The following DCHS2 variants were observed in gnomAD, a reference collection of about 807,000 sequenced individuals.
The protein encoded by DCHS2 is protocadherin-23.
Under a neutral mutation model 182.4 loss-of-function variants are expected in DCHS2, and 142 were observed. The ratio of observed to expected loss-of-function variants is 0.78; its 90% CI spans 0.68 to 0.89. The LOEUF (loss-of-function observed/expected upper bound fraction) is 0.89, where lower values mean the gene tolerates loss of function less well. Among genes scored for constraint, DCHS2 ranks in the 40% least tolerant of loss-of-function variants. The pLI, the probability that DCHS2 is intolerant of heterozygous loss-of-function variation, is 0.00. For missense variants in DCHS2, 4,319 were observed against 4,198.6 expected, an observed-to-expected ratio of 1.03 and a Z score of -0.79; for synonymous variants, 1,740 against 1,663.3, an observed-to-expected ratio of 1.05 and a Z score of -1.12.
At chr4:154,293,284 C>A (rs1398379216) in intron 13 of DCHS2, among the ~76,000 whole-genome samples, 3 of 152,048 alleles carry the variant, frequency 2.0e-5, no homozygotes, top group South Asian at 4.1e-4. Flanking sequence ...CTTACCGCAA[C>A]CTCTGCCTCC....
chr4:154,351,929 T>A (rs1729635970), intron 3 of DCHS2, among the ~76,000 whole-genome samples: 1 of 152,158 alleles, frequency 6.6e-6, no homozygotes, highest in Non-Finnish European at 1.5e-5. Flanking sequence ...AAGGCACTGA[T>A]TGCTTTTAGG....
chr4:154,408,400 G>A (rs1042630484), intron 1 of DCHS2, among the ~76,000 whole-genome samples: 4 of 152,152 alleles, frequency 2.6e-5, no homozygotes, highest in Non-Finnish European at 5.9e-5. Context: ...TTTCATAGGA[G>A]ATCAATCTAT....
intron 13 of DCHS2, among the ~76,000 whole-genome samples, chr4:154,296,330 G>T (rs957992440): frequency 2.0e-5 from 3 of 152,162 alleles, no homozygotes; most frequent in African/African-American, 7.2e-5. Flanking sequence ...AATGCGAGGG[G>T]TGGAGGGGTA....
chr4:154,456,112 G>C (rs905299410), intron 1 of DCHS2, among the ~76,000 whole-genome samples: 14 of 151,754 alleles, frequency 9.2e-5, no homozygotes, highest in African/African-American at 3.4e-4. Context: ...GTAATAATTT[G>C]TTCTCCAGGC....
rs141647192 is a variant in DCHS2 at position 154,300,654 on chromosome 4, C to T, written c.5606-1946G>A. Among the ~76,000 whole-genome samples, 1,041 of 151,746 alleles carry T rather than the reference C, an allele frequency of 6.9e-3. 12 individuals carry two copies. Among genetic ancestry groups the T allele is most frequent in the African/African-American group, 0.023 (951 of 41,350 alleles). On this transcript the variant is annotated intron_variant, in intron 12 of 19. Transcript: ENST00000357232. Reference sequence around the variant, plus strand: ...GCAGTGAGCTGTGATTGTGCTGCTGCGGTGAGCTGTGAATGCACCACTGCA... The same window carrying T: ...GCAGTGAGCTGTGATTGTGCTGCTGTGGTGAGCTGTGAATGCACCACTGCA...
chr4:154,352,936 A>G (rs146670618), intron 3 of DCHS2, among the ~76,000 whole-genome samples: 4 of 152,318 alleles, frequency 2.6e-5, no homozygotes, highest in Non-Finnish European at 5.9e-5. Context: ...AGTTTCTCCA[A>G]TAAAATTAGG....
chr4:154,259,792 A>T lies in DCHS2; in HGVS notation c.6578-36T>A, dbSNP rs748600316. 2.6e-6 allele frequency: 4 copies of T among 1,554,662 alleles called. No homozygotes were observed. In the South Asian group the frequency reaches 5.0e-5, roughly 19 times the overall value. ...TTCCAAGGAGAAAAAAAAGAAAATG[A>T]TGTTGTAGTTATTCTTTTATTTTTT... is the stretch of plus-strand genomic sequence containing the variant. On this transcript the variant is annotated intron_variant, in intron 14 of 19. Transcript: ENST00000357232.
intron 1 of DCHS2, among the ~76,000 whole-genome samples, chr4:154,388,870 T>C (rs1731542160): frequency 6.6e-6 from 1 of 152,000 alleles, no homozygotes; most frequent in African/African-American, 2.4e-5. Context: ...TAAAAAAAAA[T>C]TGTATTTGAT....
At chr4:154,424,300 A>T (rs1032858982) in intron 1 of DCHS2, among the ~76,000 whole-genome samples, 9 of 152,224 alleles carry the variant, frequency 5.9e-5, no homozygotes, top group Non-Finnish European at 1.2e-4. Context: ...AAAGTAAAGG[A>T]CAGTAAAAAG....
In DCHS2 at chr4:154,490,087, G is replaced by C; in HGVS notation, c.1269C>G (p.Val423=). 1.3e-6 allele frequency: 2 copies of C among 1,549,548 alleles called. No homozygotes were observed. The highest frequency in any genetic ancestry group is 8.7e-7 in the Non-Finnish European group (1 of 1,146,758). ...GTCGGGCGCCTTCAGAGACACGGGC[G>C]ACGCCTCCCTCTGTGAGAAAGAGCA... is the stretch of plus-strand genomic sequence containing the variant. ...IHVLFLTEGG[V]ARVSEGARPG... Residue 423 remains valine (V), a synonymous_variant, in exon 1 of 20, where the codon GTC becomes GTG. Coordinates refer to ENST00000357232, the MANE Select transcript of DCHS2 (RefSeq NM_001358235.2).
At chr4:154,394,721 G>C (rs867942) in intron 1 of DCHS2, among the ~76,000 whole-genome samples, 28,799 of 151,982 alleles carry the variant, frequency 0.19, 2,796 homozygotes, top group East Asian at 0.28. Flanking sequence ...GTTGCTGTTT[G>C]GTGCTATACA....
At chr4:154,474,959 AT>A (rs1482879812) in intron 1 of DCHS2, among the ~76,000 whole-genome samples, 2 of 152,126 alleles carry the variant, frequency 1.3e-5, no homozygotes, top group African/African-American at 2.4e-5. Flanking sequence ...TTATTATTGT[AT>A]TTTTTAGCTT....
intron 1 of DCHS2, among the ~76,000 whole-genome samples, chr4:154,404,438 C>T (rs909769317): frequency 1.3e-5 from 2 of 152,164 alleles, no homozygotes; most frequent in African/African-American, 4.8e-5. Flanking sequence ...TGGTCCAACA[C>T]GTGATCTATG....
intron 1 of DCHS2, among the ~76,000 whole-genome samples, chr4:154,393,096 T>C (rs111705116): frequency 1.6e-3 from 243 of 152,302 alleles, no homozygotes; most frequent in African/African-American, 5.5e-3. Flanking sequence ...AGATGGATAA[T>C]AAAATACATT....
At position 154,304,864 on chromosome 4, in the gene DCHS2, C is replaced by T. The variant is rs754988654; in HGVS notation, c.5410G>A (p.Gly1804Arg). 3.1e-6 allele frequency: 5 copies of T among 1,611,378 alleles called. No individual in the cohort carries two copies. Among genetic ancestry groups the T allele is most frequent in the Admixed American group, 1.7e-5 (1 of 59,716 alleles). Reference protein sequence around the residue: ...VFTLRVLVRDGGFPSLSSTTT... With the variant: ...VFTLRVLVRDRGFPSLSSTTT... ...GTGCTGGACAATGAAGGGAATCCCC[C>T]ATCTCGTACTAGTACTGACACAGAA... is the stretch of plus-strand genomic sequence containing the variant. The change falls in exon 12 of 20, where the codon GGG becomes AGG. Residue 1804 changes from glycine (G) to arginine (R), a missense_variant. Coordinates refer to ENST00000357232, the MANE Select transcript of DCHS2 (RefSeq NM_001358235.2).
chr4:154,321,255 G>A (rs773269062), intron 8 of DCHS2, 33 bp from the exon 9 acceptor site: 4 of 1,433,696 alleles, frequency 2.8e-6, no homozygotes, highest in Admixed American at 2.5e-5. Context: ...ATTAATTTGG[G>A]GTATTTTTAA....
intron 3 of DCHS2, among the ~76,000 whole-genome samples, chr4:154,363,903 A>C (rs1423485921): frequency 6.6e-6 from 1 of 152,170 alleles, no homozygotes; most frequent in Non-Finnish European, 1.5e-5. Context: ...TGTTCACCGG[A>C]CAACTTTTTC....
chr4:154,453,274 C>G (rs888429399), intron 1 of DCHS2, among the ~76,000 whole-genome samples: 1 of 134,422 alleles, frequency 7.4e-6, no homozygotes, highest in Non-Finnish European at 1.5e-5. Context: ...CTGCTGGAGA[C>G]AGAAAGGGGC....
At chr4:154,254,591 C>T (rs769967452) in intron 16 of DCHS2, among the ~76,000 whole-genome samples, 4 of 152,140 alleles carry the variant, frequency 2.6e-5, no homozygotes, top group Non-Finnish European at 5.9e-5. Context: ...AATCCCAGCA[C>T]TTTGGGAGGC....
Sources: gnomAD v4.1 joint callset for allele counts (sites outside exome capture counted in the v4.1 genomes callset) on GRCh38, gnomAD v4.1.1 for gene constraint, MANE v1.5 for transcripts, NCBI Gene and HGNC (gene_info 2026-07-23, HGNC 2026-07-21) for gene names.